The following CSMD1 variants were observed in gnomAD, a reference collection of about 807,000 sequenced individuals.
The protein encoded by CSMD1 is CUB and Sushi multiple domains 1.
Under a neutral mutation model 417.5 loss-of-function variants are expected in CSMD1, and 213 were observed. The ratio of observed to expected loss-of-function variants is 0.51; its 90% CI spans 0.46 to 0.57. CSMD1 has a LOEUF of 0.57. Ranked by LOEUF, CSMD1 falls within the 20% of genes least tolerant of loss-of-function variation. The probability of loss-of-function intolerance (pLI) is 0.00; values close to 1 mark genes in which losing one functional copy is unlikely to be tolerated. For synonymous variants in CSMD1, 2,862 were observed against 1,736.8 expected (o/e 1.65, Z -16.11); for missense variants, 6,923 against 4,529.7 (o/e 1.53, Z -15.17).
chr8:3,793,960 G>A (rs1799894152), intron 5 of CSMD1, among the ~76,000 whole-genome samples: 1 of 152,168 alleles, frequency 6.6e-6, no homozygotes, highest in Non-Finnish European at 1.5e-5. Flanking sequence ...ATGCTGCTAT[G>A]TGTAATAAAT....
intron 1 of CSMD1, among the ~76,000 whole-genome samples, chr8:4,733,430 A>C (rs1214230286): frequency 6.6e-6 from 1 of 152,204 alleles, no homozygotes; most frequent in Non-Finnish European, 1.5e-5. Context: ...ACAGACATAG[A>C]GGGAAGGTAG....
At chr8:4,152,669 A>C (rs138650213) in intron 3 of CSMD1, among the ~76,000 whole-genome samples, 13 of 152,230 alleles carry the variant, frequency 8.5e-5, no homozygotes, top group East Asian at 1.9e-4. Flanking sequence ...CAACCCAAGC[A>C]ACAGAGCGAG....
intron 12 of CSMD1, among the ~76,000 whole-genome samples, chr8:3,445,903 T>C (rs1431131654): frequency 2.6e-5 from 4 of 152,128 alleles, no homozygotes; most frequent in South Asian, 4.1e-4. Context: ...TTGAGATCTA[T>C]CATCTTGACT....
chr8:3,958,272 G>C (rs572968579), intron 5 of CSMD1, among the ~76,000 whole-genome samples: 2 of 149,894 alleles, frequency 1.3e-5, no homozygotes, highest in Non-Finnish European at 3.0e-5. Context: ...TTACAATGTG[G>C]TTTTTTGTGG....
At chr8:4,465,801 T>G (rs1409899265) in intron 2 of CSMD1, among the ~76,000 whole-genome samples, 1 of 152,204 alleles carries the variant, frequency 6.6e-6, no homozygotes, top group South Asian at 2.1e-4. Flanking sequence ...ATGGGTACTT[T>G]ACTGCCAACC....
chr8:3,199,710 T>C lies in CSMD1; in HGVS notation c.5194+4A>G. The C allele has an allele frequency of 6.3e-7, 1 of 1,574,836 alleles. No homozygotes were observed. Among genetic ancestry groups the C allele is most frequent in the Non-Finnish European group, 8.6e-7 (1 of 1,158,106 alleles). ...CATGTGGAGACATGTGGAGTGACGC[T>C]TACCTTGATACACGAAGTGGAAGCC... On this transcript the variant is annotated splice_donor_region_variant and intron_variant, in intron 33 of 69. Transcript: ENST00000635120.
At chr8:4,295,114 A>G (rs1348991359) in intron 3 of CSMD1, among the ~76,000 whole-genome samples, 2 of 103,440 alleles carry the variant, frequency 1.9e-5, no homozygotes, top group Admixed American at 2.1e-4. Context: ...TCTTAAGATT[A>G]CACACATATA....
At chr8:4,079,024 G>A (rs1451264689) in intron 3 of CSMD1, among the ~76,000 whole-genome samples, 6 of 148,330 alleles carry the variant, frequency 4.0e-5, no homozygotes, top group African/African-American at 1.5e-4. Context: ...CTGATTTGTT[G>A]TGTCCAGGTA....
intron 26 of CSMD1, among the ~76,000 whole-genome samples, chr8:3,269,917 G>T (rs1463966838): frequency 6.6e-6 from 1 of 152,064 alleles, no homozygotes; most frequent in East Asian, 1.9e-4. Context: ...AGAAAATTTA[G>T]TCTTCCATAA....
chr8:4,343,446 T>G (rs1800595811), intron 3 of CSMD1, among the ~76,000 whole-genome samples: 2 of 152,114 alleles, frequency 1.3e-5, no homozygotes. Context: ...TCACTATGTG[T>G]GGTGATGAAT....
At chr8:4,838,474 A>T (rs34880000) in intron 1 of CSMD1, among the ~76,000 whole-genome samples, 1 of 152,188 alleles carries the variant, frequency 6.6e-6, no homozygotes, top group Admixed American at 6.5e-5. Flanking sequence ...CCTGATGAAG[A>T]TGCTTCAAAC....
At chr8:3,855,109 A>C (rs891821181) in intron 5 of CSMD1, among the ~76,000 whole-genome samples, 2 of 152,152 alleles carry the variant, frequency 1.3e-5, no homozygotes, top group East Asian at 1.9e-4. Context: ...TCTTGAAGCT[A>C]TGGTTTTAAA....
chr8:3,407,750 C>T (rs76131405), intron 14 of CSMD1, 149 bp downstream of exon 14: 14,136 of 733,756 alleles, frequency 0.019, 682 homozygotes, highest in South Asian at 0.12. Context: ...TTCAGGATAA[C>T]ACTATAATTT....
intron 7 of CSMD1, among the ~76,000 whole-genome samples, chr8:3,694,719 G>T (rs947069775): frequency 8.6e-5 from 13 of 151,858 alleles, no homozygotes; most frequent in African/African-American, 2.9e-4. Context: ...GGAGAACCTG[G>T]AGGAAGCAGG....
chr8:3,411,819 T>TATACATGCAC (rs1162514239), intron 12 of CSMD1, among the ~76,000 whole-genome samples: 4 of 108,168 alleles, frequency 3.7e-5, no homozygotes, highest in African/African-American at 7.1e-5. Context: ...TATATATACG[T>TATACATGCAC]GTATATGTAT....
At chr8:4,347,627 C>G (rs975107914) in intron 3 of CSMD1, among the ~76,000 whole-genome samples, 2 of 152,142 alleles carry the variant, frequency 1.3e-5, no homozygotes, top group African/African-American at 2.4e-5. Flanking sequence ...TCTTCTAGTG[C>G]AAAAGCAATG....
intron 2 of CSMD1, among the ~76,000 whole-genome samples, chr8:4,605,349 C>G (rs529336607): frequency 9.2e-5 from 14 of 152,240 alleles, no homozygotes; most frequent in African/African-American, 3.4e-4. Flanking sequence ...AATGAATTAT[C>G]TATGAGCAAA....
intron 5 of CSMD1, among the ~76,000 whole-genome samples, chr8:3,792,246 T>C (rs560379750): frequency 3.3e-5 from 5 of 152,114 alleles, no homozygotes; most frequent in South Asian, 2.1e-4. Context: ...GGAGTTATGA[T>C]AGTGCCACTA....
At chr8:4,600,445 G>C (rs1382272128) in intron 2 of CSMD1, among the ~76,000 whole-genome samples, 4 of 152,154 alleles carry the variant, frequency 2.6e-5, no homozygotes, top group African/African-American at 9.7e-5. Flanking sequence ...ATAAATTCAA[G>C]TGATCATCAA....
Sources: gnomAD v4.1 joint callset for allele counts (sites outside exome capture counted in the v4.1 genomes callset) on GRCh38, gnomAD v4.1.1 for gene constraint, MANE v1.5 for transcripts, NCBI Gene and HGNC (gene_info 2026-07-23, HGNC 2026-07-21) for gene names.